The following QPRT variants were observed in gnomAD, a reference collection of about 807,000 sequenced individuals.
The protein encoded by QPRT is quinolinate phosphoribosyltransferase.
In QPRT, 17 loss-of-function variants were observed where a neutral mutation model predicts 19.8. That is an observed-to-expected ratio of 0.86 (90% CI 0.59 to 1.29). The LOEUF is 1.29. QPRT is among the 50% of genes most tolerant of loss of function. The pLI is 0.00. For missense variants in QPRT, 336 were observed against 405.1 expected, an observed-to-expected ratio of 0.83 and a Z score of 1.46; for synonymous variants, 178 against 191.0, an observed-to-expected ratio of 0.93 and a Z score of 0.56.
chr16:29,694,337 T>G (rs2142310477), intron 1 of QPRT, among the ~76,000 whole-genome samples: 1 of 151,906 alleles, frequency 6.6e-6, no homozygotes, highest in East Asian at 1.9e-4. Context: ...GCCAGAATGG[T>G]CTCGATCTCC....
In QPRT at chr16:29,695,217, C is replaced by T. The variant is rs1319142294; in HGVS notation, c.549+18C>T. 6.6e-7 allele frequency: 1 copy of T among 1,517,638 alleles called. No homozygotes were observed. The highest frequency in any genetic ancestry group is 2.1e-5 in the Admixed American group (1 of 48,746). 94.0% of individuals were successfully genotyped at this position (1,517,638 alleles called of 1,614,324 possible). On this transcript the variant is annotated intron_variant, in intron 2 of 3. Coordinates refer to ENST00000395384, the MANE Select transcript of QPRT (RefSeq NM_014298.6). Reference sequence around the variant, plus strand: ...TGGAGAAGGTGCTGGTCCTGCCTGTCCCTGGTCCAACCCCACCCTCAGCAC... The same window carrying T: ...TGGAGAAGGTGCTGGTCCTGCCTGTTCCTGGTCCAACCCCACCCTCAGCAC...
intron 1 of QPRT, among the ~76,000 whole-genome samples, chr16:29,684,365 G>A (rs1306216636): frequency 4.0e-5 from 6 of 151,876 alleles, no homozygotes; most frequent in Non-Finnish European, 8.8e-5. Flanking sequence ...GCACTATCTC[G>A]GCTTACTGCA....
rs191536258 is a variant in QPRT, at chr16:29,686,108, C to A, written c.13+6898C>A. Among the ~76,000 whole-genome samples, 319 of 152,266 alleles carry A rather than the reference C, an allele frequency of 2.1e-3. 3 individuals carry two copies. Among genetic ancestry groups the A allele is most frequent in the Non-Finnish European group, 3.6e-3 (248 of 68,018 alleles). On this transcript the variant is annotated intron_variant, in intron 1 of 3. Transcript: ENST00000395384. ...CTCCTGACCTCAGGTGATCGGCCCA[C>A]CTCGGCCTCCCAAAGTGCTGGAATT...
intron 1 of QPRT, among the ~76,000 whole-genome samples, chr16:29,694,105 C>T (rs1321552856): frequency 1.3e-5 from 2 of 151,756 alleles, no homozygotes; most frequent in African/African-American, 2.4e-5. Context: ...CGTGAGCCAC[C>T]GCACCCGGTC....
In QPRT at chr16:29,696,977, C is replaced by T. The variant is rs1349773145; in HGVS notation, c.550-19C>T. 1 of 1,585,880 alleles carries T rather than the reference C, an allele frequency of 6.3e-7. No individual in the cohort carries two copies. The highest frequency in any genetic ancestry group is 2.2e-5 in the East Asian group (1 of 44,722). The stretch of plus-strand genomic sequence containing the variant: ...TGCTGGGCCCAGTCCTCACCCTTGT[C>T]CTCCCGGCTGCCCAGCAGGCGGTGC... On this transcript the variant is annotated intron_variant, in intron 2 of 3. Coordinates refer to ENST00000395384, the MANE Select transcript of QPRT (RefSeq NM_014298.6).
intron 1 of QPRT, among the ~76,000 whole-genome samples, chr16:29,683,707 G>A (rs1193840282): frequency 1.3e-5 from 2 of 152,126 alleles, no homozygotes; most frequent in South Asian, 2.1e-4. Context: ...AGAGCAGGGT[G>A]GGGGCTGGCT....
rs1476707051 is a variant in QPRT, at chr16:29,697,058, C to G, written c.612C>G (p.Ser204Arg). 1.2e-6 allele frequency: 2 copies of G among 1,611,816 alleles called. No homozygotes were observed. The highest frequency in any genetic ancestry group is 3.3e-5 in the Admixed American group (2 of 59,864). Residue 204 changes from serine (S) to arginine (R), a missense_variant, in exon 3 of 4, where the codon AGC (serine) becomes AGG (arginine). Coordinates refer to ENST00000395384, the MANE Select transcript of QPRT (RefSeq NM_014298.6). This position sits in a 1 kb window ranked among gnomAD's most constrained non-coding sequence, Gnocchi z 4.4. ...TGAAGGTGGAAGTGGAATGCAGCAG[C>G]CTGCAGGAGGCCGTGCAGGCAGCTG... is the stretch of plus-strand genomic sequence containing the variant. ...FTLKVEVECS[S>R]LQEAVQAAEA...
intron 1 of QPRT, among the ~76,000 whole-genome samples, chr16:29,683,290 A>G (rs1292301565): frequency 1.3e-5 from 2 of 151,860 alleles, no homozygotes; most frequent in African/African-American, 4.8e-5. Flanking sequence ...TTGGCCTCCC[A>G]AAGTGCTGGG....
rs765678157 is a variant in QPRT at position 29,695,073 on chromosome 16, G to A, written c.423G>A (p.Thr141=). 6.8e-6 allele frequency: 11 copies of A among 1,606,522 alleles called. No homozygotes were observed. Among genetic ancestry groups the A allele is most frequent in the Admixed American group, 3.4e-5 (2 of 59,200 alleles). The change falls in exon 2 of 4, where the codon ACG becomes ACA. Residue 141 remains threonine (T), a synonymous_variant. Coordinates refer to ENST00000395384, the MANE Select transcript of QPRT (RefSeq NM_014298.6). The stretch of plus-strand genomic sequence containing the variant: ...ACGTGGCAGGCACGAGGAAGACCAC[G>A]CCAGGCTTCCGGCTGGTGGAGAAGT... ...TGHVAGTRKT[T]PGFRLVEKYG...
chr16:29,693,061 CA>C (rs1193202536), intron 1 of QPRT, among the ~76,000 whole-genome samples: 1,563 of 104,056 alleles, frequency 0.015, 14 homozygotes, highest in African/African-American at 0.045. Context: ...GATTCTGTCT[CA>C]AAAAAAAAAA....
intron 1 of QPRT, among the ~76,000 whole-genome samples, chr16:29,688,562 C>T (rs1967229382): frequency 6.6e-6 from 1 of 152,094 alleles, no homozygotes; most frequent in Non-Finnish European, 1.5e-5. Context: ...CTCTGTCGCC[C>T]AGGCTGGAGT....
Position 29,695,013 on chromosome 16 carries a change from A to G in QPRT, c.363A>G (p.Ala121=), listed in dbSNP as rs549437266. The G allele has an allele frequency of 1.8e-5, 29 of 1,605,310 alleles. 1 individual carries two copies. In the South Asian group the frequency reaches 2.6e-4, roughly 15 times the overall value. Residue 121 remains alanine, a synonymous_variant, in exon 2 of 4, where the codon GCA becomes GCG. Coordinates refer to ENST00000395384, the MANE Select transcript of QPRT (RefSeq NM_014298.6). ...CSGIASAAAA[A]VEAARGAGWT... ...GCATTGCCAGTGCTGCCGCCGCTGC[A>G]GTGGAGGCCGCCAGGGGGGCCGGCT...
At chr16:29,687,108 G>A (rs1242603357) in intron 1 of QPRT, among the ~76,000 whole-genome samples, 1 of 152,162 alleles carries the variant, frequency 6.6e-6, no homozygotes. Flanking sequence ...TCCTCTTGCA[G>A]GTCTTCCCTT....
intron 1 of QPRT, among the ~76,000 whole-genome samples, chr16:29,692,668 C>A (rs1247664998): frequency 4.6e-5 from 7 of 152,160 alleles, no homozygotes; most frequent in Admixed American, 1.3e-4. Context: ...GGGCTAGATG[C>A]GGTGGCTGAC....
Position 29,697,122 on chromosome 16 carries a change from C to A in QPRT, c.676C>A (p.Pro226Thr). The change falls in exon 3 of 4, where the codon CCA (proline) becomes ACA (threonine). Residue 226 changes from proline to threonine, a missense_variant. Transcript: ENST00000395384. This position sits in a 1 kb window ranked among gnomAD's most constrained non-coding sequence, Gnocchi z 4.4. ...CCTTGTCCTGCTGGACAACTTCAAGCCAGAGGTAAGGTGGGCTCTGCCTCC... is the reference window on the plus strand; with the variant it reads ...CCTTGTCCTGCTGGACAACTTCAAGACAGAGGTAAGGTGGGCTCTGCCTCC... ...ADLVLLDNFKPEELHPTATVL... is the reference protein window; with the variant it reads ...ADLVLLDNFKTEELHPTATVL... 2 of 1,605,186 alleles carry A rather than the reference C, an allele frequency of 1.2e-6. No individual in the cohort carries two copies. Among genetic ancestry groups the A allele is most frequent in the Non-Finnish European group, 8.5e-7 (1 of 1,173,844 alleles).
In QPRT at chr16:29,679,869, G is replaced by C. The variant is rs1443576862; in HGVS notation, c.13+659G>C. ...TACGGGGTGAAACGGTGAAGGTGGG[G>C]GTGTGCGCGTCATTTGAAAGATGTA... On this transcript the variant is annotated intron_variant, in intron 1 of 3. Coordinates refer to ENST00000395384, the MANE Select transcript of QPRT (RefSeq NM_014298.6). 3.3e-5 allele frequency among the ~76,000 whole-genome samples: 5 copies of C among 152,208 alleles called. No individual in the cohort carries two copies. The East Asian group carries it at 9.7e-4, about 29-fold the overall frequency.
chr16:29,683,575 T>C (rs1359906414), intron 1 of QPRT, among the ~76,000 whole-genome samples: 1 of 151,924 alleles, frequency 6.6e-6, no homozygotes, highest in Non-Finnish European at 1.5e-5. Context: ...CCCAGGCTGG[T>C]CTCAAACTCC....
rs183961030 is a variant in QPRT, at chr16:29,692,306, C to T, written c.14-2358C>T. On this transcript the variant is annotated intron_variant, in intron 1 of 3. Coordinates refer to ENST00000395384, the MANE Select transcript of QPRT (RefSeq NM_014298.6). ...TTTTTAAGTGTGGGTACTGGCCGGG[C>T]GCGGTGGCTCACGCCTGTAATCCCA... Among the ~76,000 whole-genome samples, 1,333 of 152,202 alleles carry T rather than the reference C, an allele frequency of 8.8e-3. 13 individuals carry two copies. The highest frequency in any genetic ancestry group is 0.014 in the Admixed American group (219 of 15,290).
chr16:29,680,513 C>A (rs1420503745), intron 1 of QPRT, among the ~76,000 whole-genome samples: 1 of 152,144 alleles, frequency 6.6e-6, no homozygotes, highest in African/African-American at 2.4e-5. Context: ...CCCCGTAAAC[C>A]CTTCCACCAG....
Sources: allele counts gnomAD v4.1 joint callset (sites outside exome capture counted in the v4.1 genomes callset), GRCh38; gene constraint gnomAD v4.1.1; non-coding constraint Gnocchi (gnomAD v3.1); transcripts MANE v1.5; gene names NCBI Gene and HGNC (gene_info 2026-07-23, HGNC 2026-07-21).